Variants in AGBL4 observed in about 807,000 individuals in gnomAD.
AGBL4 encodes cytosolic carboxypeptidase 6.
In AGBL4, 58 loss-of-function variants were observed where a neutral mutation model predicts 66.4. The ratio of observed to expected loss-of-function variants is 0.87; its 90% confidence interval spans 0.71 to 1.09. AGBL4 has a LOEUF of 1.09. Ranked by LOEUF, AGBL4 falls within the 50% of genes least tolerant of loss-of-function variation. The pLI, the probability that AGBL4 is intolerant of heterozygous loss-of-function variation, is 0.00. For synonymous variants in AGBL4, 234 were observed against 222.9 expected (o/e 1.05, Z -0.44); for missense variants, 579 against 631.0 (o/e 0.92, Z 0.88).
At chr1:49,785,624 A>AT (rs1263124519) in intron 2 of AGBL4, among the ~76,000 whole-genome samples, 1 of 151,882 alleles carries the variant, frequency 6.6e-6, no homozygotes, top group Non-Finnish European at 1.5e-5. Context: ...ATACAATGGG[A>AT]TTTTTAATCT....
intron 4 of AGBL4, among the ~76,000 whole-genome samples, chr1:49,185,475 T>C (rs772908163): frequency 3.3e-5 from 5 of 152,136 alleles, no homozygotes; most frequent in Non-Finnish European, 5.9e-5. Flanking sequence ...AAACCCTCCT[T>C]CCCTTTCACC....
intron 6 of AGBL4, among the ~76,000 whole-genome samples, chr1:48,698,703 T>G (rs540287203): frequency 6.6e-6 from 1 of 152,374 alleles, no homozygotes; most frequent in African/African-American, 2.4e-5. Flanking sequence ...CAGTGTCTCC[T>G]GGCCTCAAGT....
chr1:49,700,951 TG>T (rs1370108600), intron 2 of AGBL4, among the ~76,000 whole-genome samples: 2 of 152,122 alleles, frequency 1.3e-5, no homozygotes, highest in Non-Finnish European at 2.9e-5. Flanking sequence ...ATTATCTGAA[TG>T]TACCCTAAAA....
intron 1 of AGBL4, among the ~76,000 whole-genome samples, chr1:50,011,987 G>A (rs952985081): frequency 8.6e-5 from 13 of 151,794 alleles, no homozygotes; most frequent in Non-Finnish European, 1.9e-4. Flanking sequence ...GTGAAACCCC[G>A]TCTCTACTAA....
At chr1:49,567,328 TC>T in intron 3 of AGBL4, among the ~76,000 whole-genome samples, 1 of 152,242 alleles carries the variant, frequency 6.6e-6, no homozygotes, top group South Asian at 2.1e-4. Context: ...TTTCCGGCAC[TC>T]CCCAGTGAGA....
At chr1:49,801,663 G>A (rs1644863929) in intron 2 of AGBL4, among the ~76,000 whole-genome samples, 1 of 152,144 alleles carries the variant, frequency 6.6e-6, no homozygotes, top group African/African-American at 2.4e-5. Context: ...TTCACTGTTT[G>A]CTTTTCTGCT....
At chr1:49,105,248 A>C (rs1645271663) in intron 4 of AGBL4, among the ~76,000 whole-genome samples, 1 of 152,160 alleles carries the variant, frequency 6.6e-6, no homozygotes, top group Admixed American at 6.6e-5. Context: ...GAACTGTAGA[A>C]TTATGTTCCC....
At chr1:48,834,651 C>T (rs919821936) in intron 6 of AGBL4, among the ~76,000 whole-genome samples, 4 of 152,118 alleles carry the variant, frequency 2.6e-5, no homozygotes, top group Non-Finnish European at 5.9e-5. Context: ...CACCAAGGCA[C>T]CTTGATCTTG....
intron 6 of AGBL4, among the ~76,000 whole-genome samples, chr1:48,793,466 C>T (rs1465930640): frequency 2.0e-5 from 3 of 152,208 alleles, no homozygotes; most frequent in Non-Finnish European, 2.9e-5. Flanking sequence ...AAATACCTCT[C>T]TTCTCTCTAA....
At chr1:49,958,457 A>G (rs1016855145) in intron 1 of AGBL4, among the ~76,000 whole-genome samples, 2 of 152,028 alleles carry the variant, frequency 1.3e-5, no homozygotes, top group Admixed American at 1.3e-4. Flanking sequence ...ATGTCCATCA[A>G]TGGTAGACTG....
chr1:49,637,428 G>A (rs1294966608), intron 3 of AGBL4, among the ~76,000 whole-genome samples: 3 of 151,960 alleles, frequency 2.0e-5, no homozygotes, highest in Non-Finnish European at 2.9e-5. Flanking sequence ...AGCCTCCTGA[G>A]TAGCTGGGAT....
chr1:49,967,992 G>T (rs1159715786), intron 1 of AGBL4, among the ~76,000 whole-genome samples: 1 of 152,094 alleles, frequency 6.6e-6, no homozygotes, highest in Non-Finnish European at 1.5e-5. Context: ...GGGAGACTGA[G>T]GCAGGTGGAT....
chr1:48,656,123 G>A (rs1173972604), intron 7 of AGBL4, among the ~76,000 whole-genome samples: 2 of 152,234 alleles, frequency 1.3e-5, no homozygotes, highest in African/African-American at 4.8e-5. Flanking sequence ...ATGACAGGAA[G>A]GCTGGAAGCT....
At chr1:48,871,353 T>TGTGTGTGTGTGTG (rs1553247482) in intron 5 of AGBL4, among the ~76,000 whole-genome samples, 4 of 141,092 alleles carry the variant, frequency 2.8e-5, no homozygotes, top group Non-Finnish European at 6.3e-5. Flanking sequence ...GTAGTAGTGG[T>TGTGTGTGTGTGTG]TGTGTGTGTG....
intron 3 of AGBL4, among the ~76,000 whole-genome samples, chr1:49,485,373 C>T (rs894352214): frequency 3.4e-5 from 5 of 147,324 alleles, no homozygotes; most frequent in Admixed American, 7.0e-5. Flanking sequence ...AACCAAACAC[C>T]GCATGTTCTC....
chr1:49,339,600 G>T (rs1220440633), intron 3 of AGBL4, among the ~76,000 whole-genome samples: 1 of 152,198 alleles, frequency 6.6e-6, no homozygotes. Flanking sequence ...GACAGAACTG[G>T]ATTGGCTCAT....
chr1:49,615,989 C>T (rs1038720668), intron 3 of AGBL4, among the ~76,000 whole-genome samples: 2 of 152,084 alleles, frequency 1.3e-5, no homozygotes, highest in Admixed American at 6.5e-5. Flanking sequence ...AGTCTATTTT[C>T]TCTCCAAAAT....
At chr1:49,185,663 A>G (rs908580274) in intron 4 of AGBL4, among the ~76,000 whole-genome samples, 2 of 152,162 alleles carry the variant, frequency 1.3e-5, no homozygotes, top group Non-Finnish European at 2.9e-5. Context: ...AAAAACACGA[A>G]GGAAGTTCTT....
At chr1:48,851,368 C>T (rs757018032) in intron 6 of AGBL4, among the ~76,000 whole-genome samples, 4 of 152,128 alleles carry the variant, frequency 2.6e-5, no homozygotes, top group Non-Finnish European at 4.4e-5. Context: ...GGGACCAACA[C>T]GAGCATGTTT....
Sources: allele counts gnomAD v4.1 joint callset (sites outside exome capture counted in the v4.1 genomes callset), GRCh38; gene constraint gnomAD v4.1.1; transcripts MANE v1.5; gene names NCBI Gene and HGNC (gene_info 2026-07-23, HGNC 2026-07-21).